The following AFF3 variants were observed in gnomAD, a reference collection of about 807,000 sequenced individuals.
The protein encoded by AFF3 is ALF transcription elongation factor 3, also known as AF4/FMR2 family member 3.
In AFF3, 32 loss-of-function variants were observed where a neutral mutation model predicts 129.7. The observed-to-expected ratio is 0.25, with a 90% CI of 0.19 to 0.33. AFF3 has a LOEUF of 0.33. Among genes scored for constraint, AFF3 ranks in the 10% least tolerant of loss-of-function variants. The pLI, the probability that AFF3 is intolerant of heterozygous loss-of-function variation, is 1.00. For missense variants in AFF3, 1,373 were observed against 1,592.0 expected (o/e 0.86, Z 2.34); for synonymous variants, 644 against 635.4 (o/e 1.01, Z -0.20).
chr2:100,004,098 T>C (rs1681715665), intron 7 of AFF3, among the ~76,000 whole-genome samples: 1 of 152,200 alleles, frequency 6.6e-6, no homozygotes, highest in Non-Finnish European at 1.5e-5. Context: ...CTTGTTTTTA[T>C]GTCATTTTTA....
intron 4 of AFF3, among the ~76,000 whole-genome samples, chr2:100,099,742 T>C (rs1313692598): frequency 2.0e-5 from 3 of 152,192 alleles, no homozygotes; most frequent in Non-Finnish European, 4.4e-5. Context: ...TTGCATCCTG[T>C]ACAGCAGGGT....
At chr2:99,811,914 CACAG>C (rs907829283) in intron 8 of AFF3, among the ~76,000 whole-genome samples, 1 of 152,240 alleles carries the variant, frequency 6.6e-6, no homozygotes, top group Non-Finnish European at 1.5e-5. Flanking sequence ...CGTACCTGAA[CACAG>C]ACAATGAGAG....
At chr2:99,897,322 T>C (rs886394466) in intron 7 of AFF3, among the ~76,000 whole-genome samples, 6 of 152,264 alleles carry the variant, frequency 3.9e-5, no homozygotes, top group East Asian at 1.9e-4. Context: ...TGCAATTAAT[T>C]TGAAAATAAA....
chr2:99,877,993 C>T (rs140695613), intron 7 of AFF3, among the ~76,000 whole-genome samples: 1 of 152,204 alleles, frequency 6.6e-6, no homozygotes, highest in African/African-American at 2.4e-5. Context: ...ACCCTCAACA[C>T]TGCTCCCCAG....
At chr2:99,934,976 C>A (rs1674388819) in intron 7 of AFF3, among the ~76,000 whole-genome samples, 1 of 152,216 alleles carries the variant, frequency 6.6e-6, no homozygotes, top group African/African-American at 2.4e-5. Context: ...GTCACCTTCT[C>A]TGAACCTACA....
chr2:100,062,571 G>C (rs1687378642), intron 4 of AFF3, among the ~76,000 whole-genome samples: 1 of 152,138 alleles, frequency 6.6e-6, no homozygotes, highest in South Asian at 2.1e-4. Flanking sequence ...GTGGCTGGGT[G>C]GGGGAACTAA....
chr2:99,798,403 T>C (rs1219679068), intron 8 of AFF3, among the ~76,000 whole-genome samples: 1 of 152,004 alleles, frequency 6.6e-6, no homozygotes, highest in Non-Finnish European at 1.5e-5. Context: ...TTGAATGTAA[T>C]TATTGATACG....
chr2:99,611,628 G>A (rs1680934612), intron 13 of AFF3, among the ~76,000 whole-genome samples: 1 of 152,054 alleles, frequency 6.6e-6, no homozygotes, highest in Non-Finnish European at 1.5e-5. Flanking sequence ...GCTCACACCT[G>A]TAATCCCAAC....
At chr2:100,068,141 G>A (rs1294579163) in intron 4 of AFF3, among the ~76,000 whole-genome samples, 1 of 152,114 alleles carries the variant, frequency 6.6e-6, no homozygotes, top group Non-Finnish European at 1.5e-5. Flanking sequence ...AGCTCGCTTC[G>A]GCACAACCAA....
chr2:99,752,394 A>G (rs927305671), intron 8 of AFF3, 93 bp from the exon 9 acceptor site: 1 of 967,792 alleles, frequency 1.0e-6, no homozygotes, highest in African/African-American at 1.6e-5. Flanking sequence ...GGCCTTCATA[A>G]GGCAGGGAAG....
chr2:99,831,295 T>C (rs757170642), intron 8 of AFF3, among the ~76,000 whole-genome samples: 1 of 152,240 alleles, frequency 6.6e-6, no homozygotes, highest in Non-Finnish European at 1.5e-5. Flanking sequence ...ATAAAAGTAA[T>C]CTTCAGTTCT....
intron 8 of AFF3, among the ~76,000 whole-genome samples, chr2:99,802,979 G>A (rs1047727759): frequency 6.6e-6 from 1 of 152,042 alleles, no homozygotes; most frequent in African/African-American, 2.4e-5. Flanking sequence ...CCCCAGCTAC[G>A]ACTTCCAGTG....
intron 8 of AFF3, among the ~76,000 whole-genome samples, chr2:99,829,985 T>C (rs1014931330): frequency 6.6e-6 from 1 of 152,178 alleles, no homozygotes; most frequent in Non-Finnish European, 1.5e-5. Context: ...TGCAGGGACA[T>C]AGATGAAGCC....
intron 13 of AFF3, among the ~76,000 whole-genome samples, chr2:99,624,310 C>G (rs1301237170): frequency 6.6e-6 from 1 of 152,046 alleles, no homozygotes; most frequent in Non-Finnish European, 1.5e-5. Flanking sequence ...ACAGAAAGCT[C>G]CATGGAGACA....
At position 99,548,879 on chromosome 2, in the gene AFF3, C is replaced by T. The variant is rs915577351; in HGVS notation, c.*2595G>A. The T allele has an allele frequency of 1.3e-5, 3 of 232,744 alleles. No individual in the cohort carries two copies. The highest frequency in any genetic ancestry group is 2.5e-5 in the Non-Finnish European group (3 of 117,758). 14.4% of individuals were successfully genotyped at this position (232,744 alleles called of 1,614,324 possible). ...CCCATGCCAAACCCCACAGAAACTG[C>T]TGTACCAACGTGCTCCACACGTGCT... On this transcript the variant is annotated 3_prime_UTR_variant, in exon 25 of 25. Coordinates refer to ENST00000672756, the MANE Select transcript of AFF3 (RefSeq NM_001386135.1).
intron 11 of AFF3, among the ~76,000 whole-genome samples, chr2:99,676,976 T>G (rs1349339101): frequency 1.3e-5 from 2 of 152,120 alleles, no homozygotes; most frequent in African/African-American, 4.8e-5. Flanking sequence ...GGTACTAAAA[T>G]TGAACTTTTT....
At chr2:100,112,158 A>C (rs995838345) in intron 2 of AFF3, among the ~76,000 whole-genome samples, 1 of 152,210 alleles carries the variant, frequency 6.6e-6, no homozygotes, top group Non-Finnish European at 1.5e-5. Context: ...TAAGTGAAAG[A>C]GCAAAGAAAG....
At chr2:100,048,707 A>G (rs990225736) in intron 4 of AFF3, among the ~76,000 whole-genome samples, 1 of 152,240 alleles carries the variant, frequency 6.6e-6, no homozygotes, top group African/African-American at 2.4e-5. Flanking sequence ...AATAATTACC[A>G]GTAACAAGAA....
chr2:100,006,708 C>G lies in AFF3; in HGVS notation c.797G>C (p.Gly266Ala). ...ETSVHCTSYR[G>A]VPASKPEPAR... ...AGGCTCCGGCTTGCTGGCAGGGACT[C>G]CCCTGTATGATGTGCAGTGCACGCT... Residue 266 changes from glycine (G) to alanine (A), a missense_variant, in exon 7 of 25, where the codon GGA becomes GCA. Physicochemically the swap from Gly to Ala is moderately conservative, Grantham distance 60. This residue lies in a region of AFF3 where 413 missense variants were observed against 424.4 expected (regional missense o/e 0.97). Coordinates refer to ENST00000672756, the MANE Select transcript of AFF3 (RefSeq NM_001386135.1). The G allele has an allele frequency of 6.2e-7, 1 of 1,614,228 alleles. No homozygotes were observed. The highest frequency in any genetic ancestry group is 1.7e-5 in the Admixed American group (1 of 60,032).
Sources: allele counts gnomAD v4.1 joint callset (sites outside exome capture counted in the v4.1 genomes callset), GRCh38; gene constraint gnomAD v4.1.1; regional missense constraint gnomAD v4.1.1; transcripts MANE v1.5; gene names NCBI Gene and HGNC (gene_info 2026-07-23, HGNC 2026-07-21).